Variants in TBKBP1 observed in about 807,000 individuals in gnomAD.
The protein encoded by TBKBP1 is TBK1 binding protein 1.
In TBKBP1, 47 loss-of-function variants were observed where a neutral mutation model predicts 69.9. That is an observed-to-expected ratio of 0.67 (90% confidence interval 0.53 to 0.86). TBKBP1 has a LOEUF of 0.86. Ranked by LOEUF, TBKBP1 falls within the 40% of genes least tolerant of loss-of-function variation. The pLI, the probability that TBKBP1 is intolerant of heterozygous loss-of-function variation, is 0.00. For missense variants in TBKBP1, 831 were observed against 858.6 expected (o/e 0.97, Z 0.40); for synonymous variants, 418 against 390.3 (o/e 1.07, Z -0.84).
chr17:47,704,055 G>T (rs1246467168), intron 7 of TBKBP1, among the ~76,000 whole-genome samples: 1 of 152,156 alleles, frequency 6.6e-6, no homozygotes, highest in East Asian at 1.9e-4. Flanking sequence ...AGTGAAAGGG[G>T]GCACTATTAA....
intron 7 of TBKBP1, among the ~76,000 whole-genome samples, chr17:47,705,104 G>C (rs2031652518): frequency 6.6e-6 from 1 of 152,136 alleles, no homozygotes; most frequent in African/African-American, 2.4e-5. Context: ...AGGGCTTCCA[G>C]GCCACTGCCA....
rs759564387 is a variant in TBKBP1, at chr17:47,696,283, C to A, written c.171C>A (p.Gly57=). 4 of 1,613,492 alleles carry A rather than the reference C, an allele frequency of 2.5e-6. No homozygotes were observed. The highest frequency in any genetic ancestry group is 3.4e-6 in the Non-Finnish European group (4 of 1,179,830). Reference sequence around the variant, plus strand: ...GAGACATCAAGGAACGGCTGGGGGGCCTGGAGAGGGAGAACGCCACCCTCC... The same window carrying A: ...GAGACATCAAGGAACGGCTGGGGGGACTGGAGAGGGAGAACGCCACCCTCC... The part of the protein sequence containing the change: ...AYGDIKERLG[G]LERENATLRR... The change falls in exon 2 of 10, where the codon GGC becomes GGA. Residue 57 remains glycine, a synonymous_variant. Transcript: ENST00000578982.
Position 47,708,531 on chromosome 17 carries a change from G to T in TBKBP1, c.991+19G>T. 6.2e-7 allele frequency: 1 copy of T among 1,611,626 alleles called. No individual in the cohort carries two copies. Among genetic ancestry groups the T allele is most frequent in the Non-Finnish European group, 8.5e-7 (1 of 1,178,310 alleles). On this transcript the variant is annotated intron_variant, in intron 8 of 9. Transcript: ENST00000578982. The surrounding 1 kb of genome is among the most constrained non-coding windows in gnomAD (Gnocchi z 4.4). The stretch of plus-strand genomic sequence containing the variant: ...AGTGGCGGTGAGATGGGGCAGGGCA[G>T]GGGGAGGCAGCCGCGGGACCCGGGA...
Position 47,711,494 on chromosome 17 carries a change from C to T in TBKBP1, c.*868C>T, listed in dbSNP as rs562562795. 6.5e-6 allele frequency: 1 copy of T among 152,842 alleles called. No homozygotes were observed. Among genetic ancestry groups the T allele is most frequent in the Admixed American group, 6.5e-5 (1 of 15,310 alleles). The allele number at this position is 152,842 out of a possible 1,614,324, so 9.5% of individuals were successfully genotyped here. ...CAGGTGCCCTGGAGCCCTTGTGTGA[C>T]TCAGCCTCTGTTAGCTGGGTGGGTG... On this transcript the variant is annotated 3_prime_UTR_variant, in exon 10 of 10. Transcript: ENST00000578982.
intron 7 of TBKBP1, among the ~76,000 whole-genome samples, chr17:47,700,066 C>G (rs1209730995): frequency 2.0e-5 from 3 of 150,740 alleles, no homozygotes; most frequent in Non-Finnish European, 4.4e-5. Context: ...CGGCTCACTG[C>G]AAGCTCCGCG....
chr17:47,708,283 T>G lies in TBKBP1; in HGVS notation c.873-111T>G. 1 of 1,128,764 alleles carries G rather than the reference T, an allele frequency of 8.9e-7. No individual in the cohort carries two copies. The highest frequency in any genetic ancestry group is 1.3e-6 in the Non-Finnish European group (1 of 780,508). The allele number at this position is 1,128,764 out of a possible 1,614,324, so 69.9% of individuals were successfully genotyped here. A position where few individuals can be genotyped will look rare whatever the true frequency, so the allele number is the denominator to read the frequency against. On this transcript the variant is annotated intron_variant, in intron 7 of 9. Coordinates refer to ENST00000578982, the MANE Select transcript of TBKBP1 (RefSeq NM_001394755.1). The surrounding 1 kb of genome is among the most constrained non-coding windows in gnomAD (Gnocchi z 4.4). ...AATTGGGGTAGGAGGGCCCTGCGGG[T>G]GGGAGGGAGCATGGTGGGGCCAGAT...
Position 47,708,391 on chromosome 17 carries a change from C to A in TBKBP1, c.873-3C>A. ...CGTCTTTCCCACTGCCCTCTGACTT[C>A]AGGGTGAATTTGGCGCTGGCCTACA... On this transcript the variant is annotated splice_region_variant and splice_polypyrimidine_tract_variant and intron_variant, in intron 7 of 9. Coordinates refer to ENST00000578982, the MANE Select transcript of TBKBP1 (RefSeq NM_001394755.1). This position sits in a 1 kb window ranked among gnomAD's most constrained non-coding sequence, Gnocchi z 4.4. The A allele has an allele frequency of 1.2e-6, 2 of 1,613,824 alleles. No homozygotes were observed. The highest frequency in any genetic ancestry group is 1.7e-6 in the Non-Finnish European group (2 of 1,179,764).
chr17:47,700,087 C>T (rs1456575490), intron 7 of TBKBP1, among the ~76,000 whole-genome samples: 1 of 150,394 alleles, frequency 6.6e-6, no homozygotes, highest in African/African-American at 2.4e-5. Flanking sequence ...TCCTGGTTCA[C>T]GCCATTCTCC....
chr17:47,700,335 G>A (rs547980931), intron 7 of TBKBP1, among the ~76,000 whole-genome samples: 12 of 68,596 alleles, frequency 1.7e-4, no homozygotes, highest in Middle Eastern at 9.3e-3. Flanking sequence ...AGTAGAGATG[G>A]GGTTTCTCCA....
At chr17:47,702,898 C>T (rs1392642711) in intron 7 of TBKBP1, among the ~76,000 whole-genome samples, 1 of 151,830 alleles carries the variant, frequency 6.6e-6, no homozygotes, top group East Asian at 1.9e-4. Context: ...CCCACAACCC[C>T]CTTCTCTCTG....
rs892329778 is a variant in TBKBP1 at position 47,710,755 on chromosome 17, C to T, written c.*129C>T. On this transcript the variant is annotated 3_prime_UTR_variant, in exon 10 of 10. Coordinates refer to ENST00000578982, the MANE Select transcript of TBKBP1 (RefSeq NM_001394755.1). The stretch of plus-strand genomic sequence containing the variant: ...ACCCCCAGATACCTCCACTTGCTAC[C>T]GAGTCAACGTGTGTGCCATCTTCCC... The T allele has an allele frequency of 4.3e-5, 57 of 1,341,074 alleles. No homozygotes were observed. The highest frequency in any genetic ancestry group is 5.5e-5 in the Non-Finnish European group (54 of 980,416). 83.1% of individuals were successfully genotyped at this position (1,341,074 alleles called of 1,614,324 possible). A position where few individuals can be genotyped will look rare whatever the true frequency, so the allele number is the denominator to read the frequency against.
intron 5 of TBKBP1, among the ~76,000 whole-genome samples, chr17:47,699,070 G>C (rs79664399): frequency 0.013 from 2,017 of 152,220 alleles, 41 homozygotes; most frequent in African/African-American, 0.047. Flanking sequence ...GGCCCTTGCA[G>C]ATGCTCTAGA....
At position 47,699,717 on chromosome 17, in the gene TBKBP1, C is replaced by G. The variant is rs547939645; in HGVS notation, c.872+20C>G. 13 of 1,613,908 alleles carry G rather than the reference C, an allele frequency of 8.1e-6. No individual in the cohort carries two copies. Among genetic ancestry groups the G allele is most frequent in the South Asian group, 7.7e-5 (7 of 91,074 alleles). Reference sequence around the variant, plus strand: ...TGATCAGTAAGTCACATTGGTAACCCTGGTCCCTCCGTGATGTTTGGGAGA... The same window carrying G: ...TGATCAGTAAGTCACATTGGTAACCGTGGTCCCTCCGTGATGTTTGGGAGA... On this transcript the variant is annotated intron_variant, in intron 7 of 9. Coordinates refer to ENST00000578982, the MANE Select transcript of TBKBP1 (RefSeq NM_001394755.1).
intron 7 of TBKBP1, among the ~76,000 whole-genome samples, chr17:47,703,816 C>T (rs756605774): frequency 6.6e-5 from 10 of 151,560 alleles, no homozygotes; most frequent in Non-Finnish European, 1.2e-4. Flanking sequence ...TTCTCACAAA[C>T]GTGATGTAGG....
rs566258049 is a variant in TBKBP1, at chr17:47,697,235, G to A, written c.453+42G>A. On this transcript the variant is annotated intron_variant, in intron 4 of 9. Transcript: ENST00000578982. ...CGGAGGTGCTTGAGGATGTGTAGCT[G>A]GTTGTGTGTGTGCATGTGTGCATTT... is the stretch of plus-strand genomic sequence containing the variant. 1.2e-4 allele frequency: 184 copies of A among 1,547,356 alleles called. No homozygotes were observed. In the African/African-American group the frequency reaches 2.3e-3, roughly 19 times the overall value.
chr17:47,704,163 A>G (rs2031618589), intron 7 of TBKBP1, among the ~76,000 whole-genome samples: 1 of 152,026 alleles, frequency 6.6e-6, no homozygotes, highest in Non-Finnish European at 1.5e-5. Context: ...TTCCAGGCCT[A>G]CCCCTGAGCT....
rs1445293253 is a variant in TBKBP1, at chr17:47,699,424, G to A, written c.739G>A (p.Glu247Lys). 1 of 1,569,774 alleles carries A rather than the reference G, an allele frequency of 6.4e-7. No homozygotes were observed. The highest frequency in any genetic ancestry group is 8.6e-7 in the Non-Finnish European group (1 of 1,161,424). The change falls in exon 6 of 10, where the codon GAG (glutamate) becomes AAG (lysine). Residue 247 changes from glutamate (E) to lysine (K), a missense_variant. Glu to Lys is a moderately conservative substitution (Grantham distance 56). Coordinates refer to ENST00000578982, the MANE Select transcript of TBKBP1 (RefSeq NM_001394755.1). Reference protein sequence around the residue: ...QGEARGAQLREEQLQAECERL... With the variant: ...QGEARGAQLRKEQLQAECERL... ...AGAGGCCCGGGGGGCTCAGCTCCGG[G>A]AGGAGCAGCTCCAGGCCGAGTGCGA...
At position 47,710,545 on chromosome 17, in the gene TBKBP1, C is replaced by T; in HGVS notation, c.1767C>T (p.Cys589=). 1.2e-6 allele frequency: 2 copies of T among 1,612,526 alleles called. No individual in the cohort carries two copies. The highest frequency in any genetic ancestry group is 1.7e-6 in the Non-Finnish European group (2 of 1,179,096). Residue 589 remains cysteine (C), a synonymous_variant, in exon 10 of 10, where the codon TGC becomes TGT. Transcript: ENST00000578982. ...CCGACATCCGCAGCTGCCCCCTCTG[C>T]CAGCTGGGTTTCCCTGTCGGGTACC... ...VGSDIRSCPL[C]QLGFPVGYPD... is the part of the protein sequence containing the mutation.
chr17:47,696,277 G>T lies in TBKBP1; in HGVS notation c.165G>T (p.Leu55=). 1 of 1,613,518 alleles carries T rather than the reference G, an allele frequency of 6.2e-7. No homozygotes were observed. The highest frequency in any genetic ancestry group is 8.5e-7 in the Non-Finnish European group (1 of 1,179,848). ...ITAYGDIKER[L]GGLERENATL... ...CTTACGGAGACATCAAGGAACGGCTGGGGGGCCTGGAGAGGGAGAACGCCA... is the reference window on the plus strand; with the variant it reads ...CTTACGGAGACATCAAGGAACGGCTTGGGGGCCTGGAGAGGGAGAACGCCA... Residue 55 remains leucine, a synonymous_variant, in exon 2 of 10, where the codon CTG becomes CTT. Transcript: ENST00000578982.
Sources: allele counts gnomAD v4.1 joint callset (sites outside exome capture counted in the v4.1 genomes callset), GRCh38; gene constraint gnomAD v4.1.1; non-coding constraint Gnocchi (gnomAD v3.1); transcripts MANE v1.5; gene names NCBI Gene and HGNC (gene_info 2026-07-23, HGNC 2026-07-21).